Variants in ELF2 observed in about 807,000 individuals in gnomAD.
ELF2 encodes the protein E74 like ETS transcription factor 2, also known as ETS-related transcription factor Elf-2.
In ELF2, 11 loss-of-function variants were observed where a neutral mutation model predicts 54.8. That is an observed-to-expected ratio of 0.20 (90% CI 0.13 to 0.33). ELF2 has a LOEUF of 0.33. Among genes scored for constraint, ELF2 ranks in the 10% least tolerant of loss-of-function variants. The probability of loss-of-function intolerance (pLI) is 1.00; values close to 1 mark genes in which losing one functional copy is unlikely to be tolerated. For synonymous variants in ELF2, 203 were observed against 245.1 expected (o/e 0.83, Z 1.61); for missense variants, 513 against 703.0 (o/e 0.73, Z 3.06).
chr4:139,132,173 T>C (rs1737555368), intron 3 of ELF2, among the ~76,000 whole-genome samples: 1 of 152,132 alleles, frequency 6.6e-6, no homozygotes, highest in Admixed American at 6.6e-5. Flanking sequence ...ACTTTTTTCA[T>C]TTAAAAATAA....
intron 4 of ELF2, among the ~76,000 whole-genome samples, chr4:139,112,036 G>C (rs1334279368): frequency 6.6e-6 from 1 of 152,010 alleles, no homozygotes; most frequent in Non-Finnish European, 1.5e-5. Flanking sequence ...CTTTTAAAAG[G>C]CTCCTCACTG....
At chr4:139,137,358 T>C in intron 3 of ELF2, 1 of 478,696 alleles carries the variant, frequency 2.1e-6, no homozygotes, top group Non-Finnish European at 3.7e-6. Context: ...GATTTAAATT[T>C]AACTCTCAAC....
chr4:139,068,204 TAG>T (rs1159635924), intron 6 of ELF2, among the ~76,000 whole-genome samples: 1 of 152,168 alleles, frequency 6.6e-6, no homozygotes, highest in Admixed American at 6.5e-5. Flanking sequence ...GTATTTTTAG[TAG>T]AGACGGGGTT....
intron 4 of ELF2, chr4:139,115,198 T>C (rs1160633389): frequency 3.7e-6 from 6 of 1,611,730 alleles, no homozygotes; most frequent in Middle Eastern, 2.1e-4. Flanking sequence ...GCGGTCATAC[T>C]TGACGGTGAC....
At chr4:139,172,514 G>C (rs1742412652) in intron 1 of ELF2, among the ~76,000 whole-genome samples, 1 of 152,086 alleles carries the variant, frequency 6.6e-6, no homozygotes, top group Non-Finnish European at 1.5e-5. Flanking sequence ...TAGTATCTTA[G>C]TGCTAGTAAC....
rs186022836 is a variant in ELF2, at chr4:139,060,422, C to T, written c.1059G>A (p.Lys353=). 3.2e-5 allele frequency: 51 copies of T among 1,614,186 alleles called. No individual in the cohort carries two copies. Among genetic ancestry groups the T allele is most frequent in the Non-Finnish European group, 4.2e-5 (49 of 1,180,030 alleles). Residue 353 remains lysine (K), a synonymous_variant, in exon 9 of 10, where the codon AAG becomes AAA. Transcript: ENST00000686138. ...TGATATTCACAACTCTAGCTACACC[C>T]TTCTCTGCTCTGGAGCAGTTTATAG... ...SSPINCSRAE[K]GVARVVNITS...
At chr4:139,118,203 CA>C (rs1224263904) in intron 4 of ELF2, among the ~76,000 whole-genome samples, 1 of 151,774 alleles carries the variant, frequency 6.6e-6, no homozygotes, top group Non-Finnish European at 1.5e-5. Context: ...ACTGGGAAAA[CA>C]ATAGGAGTAT....
chr4:139,138,893 A>C (rs1738441630), intron 2 of ELF2, among the ~76,000 whole-genome samples: 2 of 152,196 alleles, frequency 1.3e-5, no homozygotes, highest in South Asian at 4.1e-4. Flanking sequence ...AAATGGTTTC[A>C]AGTAATTTCT....
At position 139,059,064 on chromosome 4, in the gene ELF2, GT is replaced by G; in HGVS notation, c.1700del (p.His567ProfsTer2). 6.2e-7 allele frequency: 1 copy of G among 1,613,924 alleles called. No individual in the cohort carries two copies. The highest frequency in any genetic ancestry group is 8.5e-7 in the Non-Finnish European group (1 of 1,179,854). ...CTGAAGGCGCACTGACAACCACTAC[GT>G]GGGTCACTGTCTTATTTCCATCTGC... Reference protein sequence around the residue: ...KPADGNKTVTHVVVVSAPSAI... With the variant: ...KPADGNKTVTXVVVVSAPSAI... On this transcript the variant is annotated frameshift_variant, in exon 10 of 10. Coordinates refer to ENST00000686138, the MANE Select transcript of ELF2 (RefSeq NM_001331036.3). LOFTEE classifies it high-confidence loss of function.
chr4:139,161,966 C>T (rs143196923), intron 1 of ELF2, among the ~76,000 whole-genome samples: 37 of 152,168 alleles, frequency 2.4e-4, no homozygotes, highest in African/African-American at 6.7e-4. Context: ...TGGTGGTGGA[C>T]GCCTGTAGTC....
intron 1 of ELF2, among the ~76,000 whole-genome samples, chr4:139,150,593 T>C (rs1228620544): frequency 6.6e-6 from 1 of 151,680 alleles, no homozygotes; most frequent in East Asian, 1.9e-4. Flanking sequence ...AGAACTGCTG[T>C]AGTCTATACT....
chr4:139,073,432 T>C lies in ELF2; in HGVS notation c.352+22A>G, dbSNP rs113203958. ...ATGAAGTAGTATGACACGTTTAACA[T>C]AAGAATGAACAGTTTACATACCAGG... On this transcript the variant is annotated intron_variant, in intron 5 of 9. Coordinates refer to ENST00000686138, the MANE Select transcript of ELF2 (RefSeq NM_001331036.3). 9 of 1,526,226 alleles carry C rather than the reference T, an allele frequency of 5.9e-6. No homozygotes were observed. The Admixed American group carries it at 5.9e-5, about 10-fold the overall frequency. The allele number at this position is 1,526,226 out of a possible 1,614,324, so 94.5% of individuals were successfully genotyped here.
intron 4 of ELF2, among the ~76,000 whole-genome samples, chr4:139,091,182 G>A (rs1016388116): frequency 6.6e-5 from 10 of 152,048 alleles, no homozygotes; most frequent in Admixed American, 2.0e-4. Context: ...CGCCTGGCTC[G>A]GCCTCCCAAA....
chr4:139,156,283 C>G (rs900308413), intron 1 of ELF2, among the ~76,000 whole-genome samples: 1 of 152,142 alleles, frequency 6.6e-6, no homozygotes, highest in Admixed American at 6.5e-5. Context: ...TCACGCCATT[C>G]TCCTGCCTCA....
chr4:139,070,513 A>G (rs1729369325), intron 6 of ELF2, among the ~76,000 whole-genome samples: 1 of 151,380 alleles, frequency 6.6e-6, no homozygotes, highest in Non-Finnish European at 1.5e-5. Flanking sequence ...CTGGTCTTGA[A>G]CTCCTGACCT....
At chr4:139,076,212 T>C (rs1373420809) in intron 4 of ELF2, among the ~76,000 whole-genome samples, 5 of 152,160 alleles carry the variant, frequency 3.3e-5, no homozygotes, top group African/African-American at 1.2e-4. Flanking sequence ...TTTCCATTTA[T>C]GGAAATCTGT....
chr4:139,097,616 C>CA (rs1261659857), intron 4 of ELF2, among the ~76,000 whole-genome samples: 1,746 of 74,022 alleles, frequency 0.024, 12 homozygotes, highest in African/African-American at 0.03. Flanking sequence ...GACTCTGTCT[C>CA]AAAAAAAAAA....
chr4:139,087,028 T>A (rs1732053989), intron 4 of ELF2, among the ~76,000 whole-genome samples: 1 of 152,214 alleles, frequency 6.6e-6, no homozygotes. Flanking sequence ...AGCATTCATT[T>A]TGAGGCATGA....
At chr4:139,070,201 T>C (rs190239033) in intron 6 of ELF2, among the ~76,000 whole-genome samples, 27 of 152,216 alleles carry the variant, frequency 1.8e-4, no homozygotes, top group African/African-American at 5.8e-4. Flanking sequence ...TTGTATTAAA[T>C]TGGCAAAGTA....
Sources: allele counts gnomAD v4.1 joint callset (sites outside exome capture counted in the v4.1 genomes callset), GRCh38; gene constraint gnomAD v4.1.1; transcripts MANE v1.5; gene names NCBI Gene and HGNC (gene_info 2026-07-23, HGNC 2026-07-21).